Variants in SMYD5 observed in about 807,000 individuals in gnomAD.
SMYD5 encodes SMYD family member 5.
Under a neutral mutation model 57.4 loss-of-function variants are expected in SMYD5, and 35 were observed. The observed-to-expected ratio is 0.61, with a 90% CI of 0.47 to 0.81. SMYD5 has a LOEUF of 0.81. Ranked by LOEUF, SMYD5 falls within the 30% of genes least tolerant of loss-of-function variation. The probability of loss-of-function intolerance (pLI) is 0.00; values close to 1 mark genes in which losing one functional copy is unlikely to be tolerated. For missense variants in SMYD5, 471 were observed against 527.9 expected (o/e 0.89, Z 1.06); for synonymous variants, 198 against 189.7 (o/e 1.04, Z -0.36).
chr2:73,221,357 G>T, intron 5 of SMYD5, 123 bp downstream of exon 5: 1 of 757,646 alleles, frequency 1.3e-6, no homozygotes, highest in South Asian at 1.5e-5. Context: ...TCCCAAAGGA[G>T]AGCTCCTTGC....
At chr2:73,222,538 G>A (rs976174380) in intron 6 of SMYD5, among the ~76,000 whole-genome samples, 7 of 152,228 alleles carry the variant, frequency 4.6e-5, no homozygotes, top group Admixed American at 3.3e-4. Flanking sequence ...GCTGGAAAAT[G>A]GAGAGAAATT....
Position 73,220,144 on chromosome 2 carries a change from T to C in SMYD5, c.299T>C (p.Leu100Pro). 1 of 1,614,178 alleles carries C rather than the reference T, an allele frequency of 6.2e-7. No homozygotes were observed. Among genetic ancestry groups the C allele is most frequent in the East Asian group, 2.2e-5 (1 of 44,872 alleles). The change falls in exon 3 of 13, where the codon CTG (leucine) becomes CCG (proline). Residue 100 changes from leucine (L) to proline (P), a missense_variant. Leu to Pro is a moderately conservative substitution (Grantham distance 98). Transcript: ENST00000389501. Reference protein sequence around the residue: ...KPGQVLPHPELCTVRKDLHQN... With the variant: ...KPGQVLPHPEPCTVRKDLHQN... The stretch of plus-strand genomic sequence containing the variant: ...GGCCAGGTTCTGCCTCACCCAGAGC[T>C]GTGCACTGTGCGCAAAGACCTCCAC...
Position 73,218,915 on chromosome 2 carries a change from G to C in SMYD5, c.151G>C (p.Glu51Gln). The change falls in exon 2 of 13, where the codon GAA (glutamate) becomes CAA (glutamine). Residue 51 changes from glutamate to glutamine, a missense_variant. Glu to Gln is a conservative substitution (Grantham distance 29). Coordinates refer to ENST00000389501, the MANE Select transcript of SMYD5 (RefSeq NM_006062.3). ...CCGGAAGGGGGAGACCATCTTCGTAGAACGGCCCCTGGTGGCTGCACAGTT... is the reference window on the plus strand; with the variant it reads ...CCGGAAGGGGGAGACCATCTTCGTACAACGGCCCCTGGTGGCTGCACAGTT... ...LIRKGETIFV[E>Q]RPLVAAQFLW... 1 of 1,614,206 alleles carries C rather than the reference G, an allele frequency of 6.2e-7. No homozygotes were observed. Among genetic ancestry groups the C allele is most frequent in the Non-Finnish European group, 8.5e-7 (1 of 1,180,028 alleles).
intron 10 of SMYD5, 106 bp downstream of exon 10, chr2:73,224,109 G>T (rs535101628): frequency 1.9e-6 from 2 of 1,038,938 alleles, no homozygotes; most frequent in South Asian, 2.5e-5. Context: ...TAGGCTGGTA[G>T]GGTTGAGTCT....
intron 10 of SMYD5, among the ~76,000 whole-genome samples, chr2:73,224,338 T>C (rs903411718): frequency 2.6e-5 from 4 of 152,018 alleles, no homozygotes; most frequent in African/African-American, 9.7e-5. Context: ...GATTTGGGAG[T>C]ACTGGGAGCC....
Position 73,221,822 on chromosome 2 carries a change from G to T in SMYD5, c.538-4G>T. 1 of 1,608,644 alleles carries T rather than the reference G, an allele frequency of 6.2e-7. No homozygotes were observed. The highest frequency in any genetic ancestry group is 8.5e-7 in the Non-Finnish European group (1 of 1,175,020). On this transcript the variant is annotated splice_polypyrimidine_tract_variant and splice_region_variant and intron_variant, in intron 5 of 12. Transcript: ENST00000389501. Reference sequence around the variant, plus strand: ...TGACCCTTAAGTATGTTTGTTCACTGCAGGCGAAGGACAAGGACCGTTGGA... The same window carrying T: ...TGACCCTTAAGTATGTTTGTTCACTTCAGGCGAAGGACAAGGACCGTTGGA...
intron 11 of SMYD5, 161 bp downstream of exon 11, chr2:73,225,121 C>G (rs1686475189): frequency 1.0e-5 from 6 of 590,120 alleles, no homozygotes; most frequent in Non-Finnish European, 1.5e-5. Context: ...TGGTTAGGTT[C>G]TAACCCTACC....
intron 3 of SMYD5, among the ~76,000 whole-genome samples, 173 bp downstream of exon 3, chr2:73,220,363 C>T (rs1009533592): frequency 2.0e-5 from 3 of 152,028 alleles, no homozygotes; most frequent in African/African-American, 7.3e-5. Context: ...TCCTCCCTGG[C>T]ACAGTTACAT....
In SMYD5 at chr2:73,227,128, G is replaced by A. The variant is rs3188114; in HGVS notation, c.*1182G>A. The A allele has an allele frequency of 0.026, 3,993 of 152,840 alleles. 71 individuals carry two copies. The highest frequency in any genetic ancestry group is 0.04 in the Non-Finnish European group (2,733 of 68,116). 9.5% of individuals were successfully genotyped at this position (152,840 alleles called of 1,614,324 possible). ...CATGGAGCCAGGTGAAACCTGTCTG[G>A]CCCCTTACCCATTGGGTTCTTACTC... On this transcript the variant is annotated 3_prime_UTR_variant, in exon 13 of 13. Transcript: ENST00000389501.
In SMYD5 at chr2:73,223,348, C is replaced by A. The variant is rs902121793; in HGVS notation, c.777-78C>A. The A allele has an allele frequency of 7.7e-6, 8 of 1,036,602 alleles. No homozygotes were observed. The African/African-American group carries it at 9.4e-5, about 12-fold the overall frequency. The allele number at this position is 1,036,602 out of a possible 1,614,324, so 64.2% of individuals were successfully genotyped here. A position where few individuals can be genotyped will look rare whatever the true frequency, so the allele number is the denominator to read the frequency against. ...GGGATGGGAGACCCTTCTTCCTGGG[C>A]TTAACTTACCTGGAGGTGGAGAGCC... On this transcript the variant is annotated intron_variant, in intron 8 of 12. Transcript: ENST00000389501.
chr2:73,221,767 C>T (rs183837328), intron 5 of SMYD5, 59 bp from the exon 6 acceptor site: 9 of 1,173,086 alleles, frequency 7.7e-6, no homozygotes, highest in South Asian at 3.7e-5. Context: ...CCCAAGTGGG[C>T]GGGAGTGCCA....
Position 73,225,672 on chromosome 2 carries a change from C to G in SMYD5, c.1077C>G (p.Arg359=), listed in dbSNP as rs1369690524. ...ISYLDCCQRE[R]SRHSRHKILR... The stretch of plus-strand genomic sequence containing the variant: ...ACTTGGACTGCTGTCAGCGGGAGCG[C>G]AGCCGCCACAGCCGCCACAAGATCC... Residue 359 remains arginine (R), a synonymous_variant, in exon 12 of 13, where the codon CGC becomes CGG. Coordinates refer to ENST00000389501, the MANE Select transcript of SMYD5 (RefSeq NM_006062.3). 1 of 1,613,870 alleles carries G rather than the reference C, an allele frequency of 6.2e-7. No homozygotes were observed. Among genetic ancestry groups the G allele is most frequent in the African/African-American group, 1.3e-5 (1 of 74,944 alleles).
chr2:73,219,728 G>T (rs935388482), intron 2 of SMYD5, among the ~76,000 whole-genome samples: 2 of 152,188 alleles, frequency 1.3e-5, no homozygotes, highest in African/African-American at 4.8e-5. Context: ...AGGGTCAGTT[G>T]GCCCCAGAGT....
chr2:73,219,210 G>A (rs755126713), intron 2 of SMYD5, among the ~76,000 whole-genome samples: 1 of 152,150 alleles, frequency 6.6e-6, no homozygotes, highest in Non-Finnish European at 1.5e-5. Context: ...ACTTAGGCGA[G>A]TTTGATTCCA....
intron 11 of SMYD5, chr2:73,225,386 C>A: frequency 1.7e-6 from 1 of 583,708 alleles, no homozygotes. Context: ...CATTGACTGG[C>A]TTTCACCACG....
At chr2:73,223,847 T>C in intron 9 of SMYD5, 100 bp from the exon 10 acceptor site, 1 of 1,093,598 alleles carries the variant, frequency 9.1e-7, no homozygotes, top group Non-Finnish European at 1.4e-6. Context: ...TGTGGTGGGG[T>C]TGCAGGACAG....
Position 73,225,997 on chromosome 2 carries a change from G to A in SMYD5, c.*51G>A. On this transcript the variant is annotated 3_prime_UTR_variant, in exon 13 of 13. Transcript: ENST00000389501. ...GCCCTAGACCCTGCCAGAAAAGGGG[G>A]CTCTTCCCCCAGAGAAGTGGCTTGG... The A allele has an allele frequency of 6.5e-7, 1 of 1,547,138 alleles. No individual in the cohort carries two copies. The highest frequency in any genetic ancestry group is 8.7e-7 in the Non-Finnish European group (1 of 1,148,032).
intron 8 of SMYD5, 150 bp from the exon 9 acceptor site, chr2:73,223,276 C>A (rs547580070): frequency 1.2e-6 from 1 of 819,910 alleles, no homozygotes; most frequent in Admixed American, 2.0e-5. Context: ...TTTTGGGGAG[C>A]CTCTGTTGGG....
chr2:73,221,731 C>A (rs1686400153), intron 5 of SMYD5, 95 bp from the exon 6 acceptor site: 1 of 830,822 alleles, frequency 1.2e-6, no homozygotes, highest in Admixed American at 1.8e-5. Flanking sequence ...GGAAGGGCCC[C>A]TATAAGTTCC....
Sources: allele counts gnomAD v4.1 joint callset (sites outside exome capture counted in the v4.1 genomes callset), GRCh38; gene constraint gnomAD v4.1.1; transcripts MANE v1.5; gene names NCBI Gene and HGNC (gene_info 2026-07-23, HGNC 2026-07-21).